The following FAM222B variants were observed in gnomAD, a reference collection of about 807,000 sequenced individuals.
FAM222B encodes the protein family with sequence similarity 222 member B.
A neutral mutation model predicts 38.0 loss-of-function variants in FAM222B; 12 were observed. The ratio of observed to expected loss-of-function variants is 0.32; its 90% confidence interval spans 0.20 to 0.51. The LOEUF is 0.51. Among genes scored for constraint, FAM222B ranks in the 20% least tolerant of loss-of-function variants. FAM222B has a pLI of 0.97. For missense variants in FAM222B, 716 were observed against 754.2 expected, an observed-to-expected ratio of 0.95 and a Z score of 0.59; for synonymous variants, 329 against 317.2, an observed-to-expected ratio of 1.04 and a Z score of -0.40.
chr17:28,823,758 T>C (rs1238843074), intron 1 of FAM222B, among the ~76,000 whole-genome samples: 1 of 152,184 alleles, frequency 6.6e-6, no homozygotes, highest in Non-Finnish European at 1.5e-5. Flanking sequence ...CTTCAAATTC[T>C]ATCTATTTCA....
upstream of FAM222B, among the ~76,000 whole-genome samples, chr17:28,843,401 C>T (rs1264517448): frequency 6.9e-6 from 1 of 145,578 alleles, no homozygotes; most frequent in Admixed American, 7.0e-5. Flanking sequence ...CCTTCTAAAG[C>T]GCTGGGATTA....
intron 1 of FAM222B, among the ~76,000 whole-genome samples, chr17:28,821,169 T>C (rs1010521707): frequency 6.6e-6 from 1 of 152,098 alleles, no homozygotes; most frequent in African/African-American, 2.4e-5. Flanking sequence ...TTGGCCAGGA[T>C]GGTCTCGATC....
At chr17:28,807,641 C>G (rs552118642) in intron 1 of FAM222B, among the ~76,000 whole-genome samples, 1 of 152,332 alleles carries the variant, frequency 6.6e-6, no homozygotes, top group South Asian at 2.1e-4. Flanking sequence ...CCGCCTCAGC[C>G]TCCTGAAGTG....
At chr17:28,798,294 A>G (rs1374850691) in intron 1 of FAM222B, among the ~76,000 whole-genome samples, 2 of 151,910 alleles carry the variant, frequency 1.3e-5, no homozygotes, top group Non-Finnish European at 1.5e-5. Context: ...AGGTCAGAGA[A>G]TCACCTGAGC....
chr17:28,760,404 G>A (rs1208679228), intron 2 of FAM222B, among the ~76,000 whole-genome samples: 2 of 151,942 alleles, frequency 1.3e-5, no homozygotes, highest in African/African-American at 4.8e-5. Flanking sequence ...GCGAAACCCC[G>A]TCTCTACTAA....
intron 1 of FAM222B, among the ~76,000 whole-genome samples, chr17:28,820,630 G>C (rs2038176757): frequency 6.6e-6 from 1 of 150,984 alleles, no homozygotes; most frequent in African/African-American, 2.4e-5. Context: ...AGCAAAAATG[G>C]TAAAACTTTT....
intron 1 of FAM222B, among the ~76,000 whole-genome samples, chr17:28,776,198 C>T (rs1269065596): frequency 6.6e-6 from 1 of 151,126 alleles, no homozygotes; most frequent in Non-Finnish European, 1.5e-5. Context: ...TGGTGAAACC[C>T]TGTCCCTACT....
intron 1 of FAM222B, among the ~76,000 whole-genome samples, chr17:28,775,583 A>G (rs1017029351): frequency 6.6e-6 from 1 of 152,076 alleles, no homozygotes; most frequent in Non-Finnish European, 1.5e-5. Context: ...ACTTGAATTA[A>G]AAAGTAAAAT....
At chr17:28,828,362 C>T (rs898974258) in intron 1 of FAM222B, among the ~76,000 whole-genome samples, 1 of 151,364 alleles carries the variant, frequency 6.6e-6, no homozygotes, top group East Asian at 1.9e-4. Context: ...CAGGAGTTCA[C>T]GACCACCCTG....
intron 1 of FAM222B, among the ~76,000 whole-genome samples, chr17:28,850,744 T>G (rs1179778103): frequency 6.6e-6 from 1 of 152,178 alleles, no homozygotes; most frequent in Non-Finnish European, 1.5e-5. Context: ...TTTGTTGTTT[T>G]CATCATTGTG....
At chr17:28,854,748 G>A (rs988608314) in intron 1 of FAM222B, among the ~76,000 whole-genome samples, 6 of 152,202 alleles carry the variant, frequency 3.9e-5, no homozygotes, top group African/African-American at 1.4e-4. Context: ...TAGTCTTTTA[G>A]GAGACATGGC....
intron 1 of FAM222B, among the ~76,000 whole-genome samples, chr17:28,793,678 T>C (rs891254326): frequency 1.3e-5 from 2 of 151,992 alleles, no homozygotes; most frequent in African/African-American, 4.8e-5. Flanking sequence ...TCCCCTACTT[T>C]AAACAAACAT....
At chr17:28,766,810 T>C (rs1177856953) in intron 1 of FAM222B, 103 bp from the exon 2 acceptor site, 6 of 618,868 alleles carry the variant, frequency 9.7e-6, no homozygotes, top group Non-Finnish European at 1.7e-5. Flanking sequence ...TTTAGACACA[T>C]AAAGCAATTT....
intron 2 of FAM222B, among the ~76,000 whole-genome samples, chr17:28,760,587 GA>G (rs67512528): frequency 3.8e-4 from 54 of 141,944 alleles, no homozygotes; most frequent in Admixed American, 4.2e-4. Context: ...CTCAGAAAAA[GA>G]AAAAAAAAAA....
At chr17:28,761,566 AGG>A (rs1261887271) in intron 2 of FAM222B, among the ~76,000 whole-genome samples, 1 of 152,226 alleles carries the variant, frequency 6.6e-6, no homozygotes, top group Non-Finnish European at 1.5e-5. Context: ...CCTAGAACAA[AGG>A]TAGGCTAATG....
chr17:28,835,131 C>T (rs534925643), intron 1 of FAM222B, among the ~76,000 whole-genome samples: 1 of 151,842 alleles, frequency 6.6e-6, no homozygotes, highest in Non-Finnish European at 1.5e-5. Context: ...CTGCAACTTT[C>T]ACCTCCCGGG....
rs756817779 is a variant in FAM222B, at chr17:28,759,368, G to A, written c.591C>T (p.Gly197=). ...GGGTTTGGGCCATGGGCTGAGGGTG[G>A]CCCAGGCCCTGAGGCTGCTGGAGGC... The part of the protein sequence containing the change: ...PQSLQQPQGL[G]HPQPMAQTQG... The change falls in exon 3 of 3, where the codon GGC becomes GGT. Residue 197 remains glycine, a synonymous_variant. Coordinates refer to ENST00000581407, the MANE Select transcript of FAM222B (RefSeq NM_001077498.3). The surrounding 1 kb of genome is among the most constrained non-coding windows in gnomAD (Gnocchi z 4.8). 11 of 1,608,288 alleles carry A rather than the reference G, an allele frequency of 6.8e-6. No homozygotes were observed. Among genetic ancestry groups the A allele is most frequent in the Non-Finnish European group, 9.3e-6 (11 of 1,177,956 alleles).
chr17:28,828,489 G>T (rs2038523958), intron 1 of FAM222B, among the ~76,000 whole-genome samples: 1 of 151,394 alleles, frequency 6.6e-6, no homozygotes. Context: ...AGGATCGCTT[G>T]AGCCCAAAGG....
At chr17:28,799,624 T>TA (rs2037124360) in intron 1 of FAM222B, among the ~76,000 whole-genome samples, 1 of 152,036 alleles carries the variant, frequency 6.6e-6, no homozygotes, top group Non-Finnish European at 1.5e-5. Flanking sequence ...TTTCTTTTTT[T>TA]AAGAGACAGG....
Sources: allele counts gnomAD v4.1 joint callset (sites outside exome capture counted in the v4.1 genomes callset), GRCh38; gene constraint gnomAD v4.1.1; non-coding constraint Gnocchi (gnomAD v3.1); transcripts MANE v1.5; gene names NCBI Gene and HGNC (gene_info 2026-07-23, HGNC 2026-07-21).